TNR: variants seen among roughly 807,000 people sequenced by gnomAD.
TNR encodes the protein tenascin R.
A neutral mutation model predicts 150.4 loss-of-function variants in TNR; 45 were observed. The ratio of observed to expected loss-of-function variants is 0.30; its 90% CI spans 0.24 to 0.38. The LOEUF (loss-of-function observed/expected upper bound fraction) is 0.38, where lower values mean the gene tolerates loss of function less well. TNR is among the 10% of genes least tolerant of loss of function. TNR has a pLI of 1.00. For missense variants in TNR, 1,544 were observed against 1,759.1 expected (o/e 0.88, Z 2.19); for synonymous variants, 687 against 678.4 (o/e 1.01, Z -0.20).
At chr1:175,463,417 T>C (rs572287768) in intron 2 of TNR, among the ~76,000 whole-genome samples, 80 of 152,376 alleles carry the variant, frequency 5.3e-4, no homozygotes, top group Middle Eastern at 6.8e-3. Flanking sequence ...AAAGTCAGTT[T>C]ATTTAGCAGT....
intron 2 of TNR, among the ~76,000 whole-genome samples, chr1:175,505,430 G>T (rs944886197): frequency 6.6e-6 from 1 of 152,206 alleles, no homozygotes; most frequent in East Asian, 1.9e-4. Context: ...GCCCTCCTCC[G>T]TTCCCCGGGG....
At chr1:175,654,408 A>G (rs1665107207) in intron 1 of TNR, among the ~76,000 whole-genome samples, 1 of 152,210 alleles carries the variant, frequency 6.6e-6, no homozygotes, top group African/African-American at 2.4e-5. Context: ...TGTGGTCTAT[A>G]TAAACTAGGT....
intron 2 of TNR, among the ~76,000 whole-genome samples, chr1:175,437,234 C>A (rs1000601285): frequency 6.6e-6 from 1 of 152,148 alleles, no homozygotes; most frequent in East Asian, 1.9e-4. Flanking sequence ...CACTCAAAAC[C>A]GCTCAACTAC....
intron 1 of TNR, among the ~76,000 whole-genome samples, chr1:175,601,728 T>A (rs1343125006): frequency 6.6e-6 from 1 of 152,188 alleles, no homozygotes; most frequent in Non-Finnish European, 1.5e-5. Context: ...CCCTCTCCAC[T>A]CACTTATGAT....
rs1037351141 is a variant in TNR, at chr1:175,601,264, C to G, written c.-164-72895G>C. Among the ~76,000 whole-genome samples, 8 of 152,344 alleles carry G rather than the reference C, an allele frequency of 5.3e-5. No individual in the cohort carries two copies. In the South Asian group the frequency reaches 1.4e-3, roughly 28 times the overall value. On this transcript the variant is annotated intron_variant, in intron 1 of 22. Transcript: ENST00000367674. ...TTTGGGTAAGGTCACTTGGCCAGTT[C>G]TTACTCAGAGATGCGGCCCTGAGGC... is the stretch of plus-strand genomic sequence containing the variant.
In TNR at chr1:175,318,676, GAGGCTAC is replaced by G. The variant is rs1648909043; in HGVS notation, c.*4674_*4680del. 2 of 152,254 alleles carry G rather than the reference GAGGCTAC, an allele frequency of 1.3e-5. No homozygotes were observed. The highest frequency in any genetic ancestry group is 4.8e-5 in the African/African-American group (2 of 41,448). 9.4% of individuals were successfully genotyped at this position (152,254 alleles called of 1,614,324 possible). ...ACATCTTCAGGAATGTGGTCAAAGA[GAGGCTAC>G]AGGAACAACCCCAGGGGCCAGCCTG... is the stretch of plus-strand genomic sequence containing the variant. On this transcript the variant is annotated 3_prime_UTR_variant, in exon 23 of 23. Coordinates refer to ENST00000367674, the MANE Select transcript of TNR (RefSeq NM_003285.3).
chr1:175,471,895 A>G (rs1346959992), intron 2 of TNR, among the ~76,000 whole-genome samples: 1 of 151,686 alleles, frequency 6.6e-6, no homozygotes, highest in Non-Finnish European at 1.5e-5. Flanking sequence ...GTACAAAAAT[A>G]TTTTCTTTTT....
chr1:175,347,303 C>T (rs972359006), intron 18 of TNR, among the ~76,000 whole-genome samples: 4 of 152,038 alleles, frequency 2.6e-5, no homozygotes, highest in Non-Finnish European at 4.4e-5. Flanking sequence ...AATTCTATAC[C>T]TTGATAAATG....
At chr1:175,566,399 C>A (rs759461375) in intron 1 of TNR, among the ~76,000 whole-genome samples, 4 of 152,174 alleles carry the variant, frequency 2.6e-5, no homozygotes, top group African/African-American at 2.4e-5. Context: ...GCTGACAACA[C>A]GGTGTTTGAG....
At chr1:175,654,707 A>G (rs1053202604) in intron 1 of TNR, among the ~76,000 whole-genome samples, 2 of 149,328 alleles carry the variant, frequency 1.3e-5, no homozygotes, top group African/African-American at 2.5e-5. Flanking sequence ...TATCTCCAAC[A>G]AAAGTTCCCT....
intron 19 of TNR, among the ~76,000 whole-genome samples, chr1:175,337,214 A>T (rs937093186): frequency 3.9e-5 from 6 of 152,120 alleles, no homozygotes; most frequent in African/African-American, 1.4e-4. Context: ...TTTATTAGAG[A>T]TGCATTTCTC....
At chr1:175,367,140 C>A (rs1024460941) in intron 10 of TNR, 68 bp downstream of exon 10, 1 of 1,442,460 alleles carries the variant, frequency 6.9e-7, no homozygotes, top group South Asian at 1.2e-5. Flanking sequence ...TTTGCTGGGA[C>A]GAGCCTCCAT....
At chr1:175,649,157 G>A (rs774932224) in intron 1 of TNR, among the ~76,000 whole-genome samples, 1 of 152,062 alleles carries the variant, frequency 6.6e-6, no homozygotes, top group Non-Finnish European at 1.5e-5. Flanking sequence ...CCCACTCTTC[G>A]CTCACTTCTG....
intron 1 of TNR, among the ~76,000 whole-genome samples, chr1:175,602,770 T>C (rs562259254): frequency 6.6e-6 from 1 of 152,342 alleles, no homozygotes; most frequent in South Asian, 2.1e-4. Context: ...CCCAGAATGA[T>C]TGGGATGCTT....
chr1:175,453,590 T>C (rs911267158), intron 2 of TNR, among the ~76,000 whole-genome samples: 4 of 152,150 alleles, frequency 2.6e-5, no homozygotes, highest in Admixed American at 2.6e-4. Flanking sequence ...AGACAAGGCA[T>C]CTCTCTGTCA....
intron 2 of TNR, among the ~76,000 whole-genome samples, chr1:175,460,958 CT>C (rs1337420095): frequency 6.6e-6 from 1 of 152,154 alleles, no homozygotes; most frequent in Admixed American, 6.5e-5. Flanking sequence ...CACACATGCA[CT>C]TATGGGTGTG....
intron 2 of TNR, among the ~76,000 whole-genome samples, chr1:175,524,491 G>GT (rs930393936): frequency 1.4e-4 from 21 of 152,128 alleles, no homozygotes; most frequent in Middle Eastern, 6.8e-3. Flanking sequence ...GAGAGTGAAA[G>GT]AAAATGCAAG....
At chr1:175,657,541 C>T (rs527782873) in intron 1 of TNR, among the ~76,000 whole-genome samples, 1 of 152,000 alleles carries the variant, frequency 6.6e-6, no homozygotes, top group South Asian at 2.1e-4. Flanking sequence ...CAATGATAGA[C>T]CGGATTAAGA....
chr1:175,731,970 C>G (rs929179571), intron 1 of TNR, among the ~76,000 whole-genome samples: 2 of 152,162 alleles, frequency 1.3e-5, no homozygotes, highest in African/African-American at 4.8e-5. Flanking sequence ...GCTGAACATT[C>G]CACCTGCTTC....
Sources: gnomAD v4.1 joint callset for allele counts (sites outside exome capture counted in the v4.1 genomes callset) on GRCh38, gnomAD v4.1.1 for gene constraint, MANE v1.5 for transcripts, NCBI Gene and HGNC (gene_info 2026-07-23, HGNC 2026-07-21) for gene names.